The following SUSD6 variants were observed in gnomAD, a reference collection of about 807,000 sequenced individuals.
SUSD6 encodes sushi domain-containing protein 6.
A neutral mutation model predicts 28.4 loss-of-function variants in SUSD6; 16 were observed. That is an observed-to-expected ratio of 0.56 (90% CI 0.38 to 0.86). The LOEUF is 0.86. SUSD6 is among the 40% of genes least tolerant of loss of function. SUSD6 has a pLI of 0.00. For missense variants in SUSD6, 341 were observed against 384.2 expected (o/e 0.89, Z 0.94); for synonymous variants, 147 against 159.6 (o/e 0.92, Z 0.59).
At chr14:69,704,520 A>G (rs1886358503) in intron 3 of SUSD6, 84 bp from the exon 4 acceptor site, 1 of 1,413,406 alleles carries the variant, frequency 7.1e-7, no homozygotes, top group African/African-American at 1.4e-5. Context: ...TTCAGGAGGC[A>G]TTTGACAAGA....
At chr14:69,658,412 T>C (rs1885615492) in intron 1 of SUSD6, 101 bp from the exon 2 acceptor site, 5 of 626,680 alleles carry the variant, frequency 8.0e-6, no homozygotes, top group Non-Finnish European at 1.4e-5. Flanking sequence ...GCTAGAATTC[T>C]CTCAACTTTG....
intron 2 of SUSD6, among the ~76,000 whole-genome samples, chr14:69,684,566 T>C (rs1315922587): frequency 6.6e-6 from 1 of 152,130 alleles, no homozygotes; most frequent in Non-Finnish European, 1.5e-5. Flanking sequence ...GGTCAGAAAA[T>C]GAATGACAGT....
intron 4 of SUSD6, among the ~76,000 whole-genome samples, chr14:69,705,452 A>C (rs1267653184): frequency 1.3e-5 from 2 of 152,198 alleles, no homozygotes; most frequent in Non-Finnish European, 2.9e-5. Flanking sequence ...CAACCAAATG[A>C]GAAGCTCTAG....
At position 69,626,759 on chromosome 14, in the gene SUSD6, A is replaced by T. The variant is rs184523334; in HGVS notation, c.-81+14931A>T. Among the ~76,000 whole-genome samples, 769 of 151,964 alleles carry T rather than the reference A, an allele frequency of 5.1e-3. 1 individual carries two copies. The highest frequency in any genetic ancestry group is 0.017 in the Middle Eastern group (5 of 294). ...CAGTGGCTTGATCATAGCTCACTATAGCTTCGAACTCCTGGACTTAAGTGC... is the reference window on the plus strand; with the variant it reads ...CAGTGGCTTGATCATAGCTCACTATTGCTTCGAACTCCTGGACTTAAGTGC... On this transcript the variant is annotated intron_variant, in intron 1 of 5. Transcript: ENST00000342745.
chr14:69,679,918 T>C (rs1885973999), intron 2 of SUSD6, among the ~76,000 whole-genome samples: 1 of 152,190 alleles, frequency 6.6e-6, no homozygotes, highest in African/African-American at 2.4e-5. Flanking sequence ...AGGAATAGTT[T>C]TTAATTTTAT....
At chr14:69,621,629 T>C (rs892583969) in intron 1 of SUSD6, among the ~76,000 whole-genome samples, 3 of 152,250 alleles carry the variant, frequency 2.0e-5, no homozygotes. Flanking sequence ...GCATCATTCA[T>C]TCCTGAAAGT....
intron 1 of SUSD6, among the ~76,000 whole-genome samples, chr14:69,618,301 C>T (rs944685870): frequency 6.6e-6 from 1 of 152,176 alleles, no homozygotes; most frequent in Admixed American, 6.5e-5. Flanking sequence ...TATGTTTAGA[C>T]CAGGGTCCCA....
intron 1 of SUSD6, among the ~76,000 whole-genome samples, chr14:69,618,132 T>C (rs1442989846): frequency 6.6e-6 from 1 of 152,174 alleles, no homozygotes; most frequent in Non-Finnish European, 1.5e-5. Flanking sequence ...GAACCACAGG[T>C]TGAGTTTCCC....
rs138103763 is a variant in SUSD6 at position 69,685,313 on chromosome 14, C to T, written c.122-18082C>T. On this transcript the variant is annotated intron_variant, in intron 2 of 5. Transcript: ENST00000342745. ...GTTTCCCATAGGCCACTTTGCTCCC[C>T]GTTGAGGAAGGAACCATTGTGCTAC... Among the ~76,000 whole-genome samples the T allele has an allele frequency of 3.3e-5, 5 of 152,344 alleles. No individual in the cohort carries two copies. The South Asian group carries it at 6.2e-4, about 19-fold the overall frequency.
At chr14:69,642,268 C>T (rs894839065) in intron 1 of SUSD6, among the ~76,000 whole-genome samples, 4 of 152,196 alleles carry the variant, frequency 2.6e-5, no homozygotes, top group South Asian at 2.1e-4. Flanking sequence ...AGGGTGAGTC[C>T]GGAATAGCTA....
At chr14:69,631,586 G>A (rs1282327474) in intron 1 of SUSD6, among the ~76,000 whole-genome samples, 1 of 152,074 alleles carries the variant, frequency 6.6e-6, no homozygotes, top group Non-Finnish European at 1.5e-5. Context: ...GATGTAAAAT[G>A]CTTACATCTG....
At chr14:69,657,306 T>C (rs186940585) in intron 1 of SUSD6, among the ~76,000 whole-genome samples, 2 of 152,246 alleles carry the variant, frequency 1.3e-5, no homozygotes, top group African/African-American at 4.8e-5. Flanking sequence ...AATACAAAAA[T>C]TAGCTGGGTG....
chr14:69,644,447 C>T (rs770081389), intron 1 of SUSD6, among the ~76,000 whole-genome samples: 6 of 152,130 alleles, frequency 3.9e-5, no homozygotes, highest in Admixed American at 3.3e-4. Context: ...GTCAAGAGAT[C>T]GAGACCATCC....
intron 2 of SUSD6, among the ~76,000 whole-genome samples, chr14:69,687,310 C>T (rs1886087818): frequency 6.6e-6 from 1 of 151,998 alleles, no homozygotes; most frequent in African/African-American, 2.4e-5. Flanking sequence ...GGGGTTTCGC[C>T]GTGTTGGCCA....
chr14:69,637,618 T>C (rs1003630784), intron 1 of SUSD6, among the ~76,000 whole-genome samples: 17 of 152,260 alleles, frequency 1.1e-4, no homozygotes, highest in African/African-American at 2.9e-4. Flanking sequence ...TGGCAAAGCA[T>C]TGGGTGATGT....
intron 2 of SUSD6, among the ~76,000 whole-genome samples, chr14:69,683,717 T>C (rs1429967237): frequency 6.6e-6 from 1 of 152,178 alleles, no homozygotes; most frequent in Admixed American, 6.5e-5. Context: ...TTTAGACTTG[T>C]AGAAAGTGGC....
In SUSD6 at chr14:69,713,369, G is replaced by A. The variant is rs540631613; in HGVS notation, c.*2390G>A. On this transcript the variant is annotated 3_prime_UTR_variant, in exon 6 of 6. Coordinates refer to ENST00000342745, the MANE Select transcript of SUSD6 (RefSeq NM_014734.4). The stretch of plus-strand genomic sequence containing the variant: ...CAATGGGAGCCTTGGCTCCCCTCTC[G>A]TCTCCTCCCCTCCTTCTTGTCACTG... The A allele has an allele frequency of 1.4e-4, 22 of 152,466 alleles. No homozygotes were observed. The highest frequency in any genetic ancestry group is 4.3e-4 in the African/African-American group (18 of 41,572). The allele number at this position is 152,466 out of a possible 1,614,324, so 9.4% of individuals were successfully genotyped here. A position where few individuals can be genotyped will look rare whatever the true frequency, so the allele number is the denominator to read the frequency against.
intron 2 of SUSD6, among the ~76,000 whole-genome samples, chr14:69,661,605 CT>C (rs1488038335): frequency 6.6e-6 from 1 of 152,110 alleles, no homozygotes; most frequent in African/African-American, 2.4e-5. Context: ...ATGTTTTTCC[CT>C]TTCTTTGGAG....
rs3048700 is a variant in SUSD6 at position 69,653,747 on chromosome 14, CTTTTT to C, written c.-80-4750_-80-4746del. 1.2e-4 allele frequency among the ~76,000 whole-genome samples: 11 copies of C among 93,244 alleles called. No homozygotes were observed. In the South Asian group the frequency reaches 1.7e-3, roughly 14 times the overall value. The allele number at this position is 93,244 out of a possible 152,430, so 61.2% of individuals were successfully genotyped here. A position where few individuals can be genotyped will look rare whatever the true frequency, so the allele number is the denominator to read the frequency against. Reference sequence around the variant, plus strand: ...TAGGGATAATGAATACCTAGTGAAACTTTTTTTTTTTTTTTTTTTTGCTTGGTGTA... The same window carrying C: ...TAGGGATAATGAATACCTAGTGAAACTTTTTTTTTTTTTTTGCTTGGTGTA... On this transcript the variant is annotated intron_variant, in intron 1 of 5. Coordinates refer to ENST00000342745, the MANE Select transcript of SUSD6 (RefSeq NM_014734.4).
Sources: gnomAD v4.1 joint callset for allele counts (sites outside exome capture counted in the v4.1 genomes callset) on GRCh38, gnomAD v4.1.1 for gene constraint, MANE v1.5 for transcripts, NCBI Gene and HGNC (gene_info 2026-07-23, HGNC 2026-07-21) for gene names.